The following GALNT11 variants were observed in gnomAD, a reference collection of about 807,000 sequenced individuals.
The protein encoded by GALNT11 is polypeptide N-acetylgalactosaminyltransferase 11.
GALNT11 carries 47 observed loss-of-function variants against 72.7 expected under a neutral mutation model. The ratio of observed to expected loss-of-function variants is 0.65; its 90% CI spans 0.51 to 0.82. The LOEUF (loss-of-function observed/expected upper bound fraction) is 0.82, where lower values mean the gene tolerates loss of function less well. Ranked by LOEUF, GALNT11 falls within the 40% of genes least tolerant of loss-of-function variation. The pLI, the probability that GALNT11 is intolerant of heterozygous loss-of-function variation, is 0.00. For synonymous variants in GALNT11, 270 were observed against 286.6 expected (o/e 0.94, Z 0.58); for missense variants, 677 against 778.4 (o/e 0.87, Z 1.55).
chr7:152,111,152 T>C (rs1444463988), intron 7 of GALNT11, among the ~76,000 whole-genome samples: 3 of 151,938 alleles, frequency 2.0e-5, no homozygotes, highest in Non-Finnish European at 4.4e-5. Flanking sequence ...ATGTATTTAT[T>C]GGTATTTATT....
intron 1 of GALNT11, among the ~76,000 whole-genome samples, chr7:152,056,459 G>A (rs1442493535): frequency 6.6e-6 from 1 of 152,166 alleles, no homozygotes; most frequent in Non-Finnish European, 1.5e-5. Context: ...GTAGAGTATA[G>A]AAAGTGGACT....
intron 1 of GALNT11, among the ~76,000 whole-genome samples, chr7:152,042,153 A>G (rs1176455238): frequency 6.6e-6 from 1 of 152,250 alleles, no homozygotes; most frequent in Non-Finnish European, 1.5e-5. Context: ...CTTAAGCTGC[A>G]GATTGTTTAC....
chr7:152,038,894 A>G (rs2082714837), intron 1 of GALNT11, among the ~76,000 whole-genome samples: 1 of 152,156 alleles, frequency 6.6e-6, no homozygotes, highest in Non-Finnish European at 1.5e-5. Flanking sequence ...TAATTTTGCA[A>G]TATCCAAAGA....
At position 152,094,811 on chromosome 7, in the gene GALNT11, TG is replaced by T. The variant is rs1234416816; in HGVS notation, c.295+290del. On this transcript the variant is annotated intron_variant, in intron 2 of 11. Coordinates refer to ENST00000430044, the MANE Select transcript of GALNT11 (RefSeq NM_022087.4). The surrounding 1 kb of genome is among the most constrained non-coding windows in gnomAD (Gnocchi z 4.3). ...CCTATGGGAGAAGGGGTTTGTTTTTTGTTTGTTTTTTTAAGAGATGGGGTCT... is the reference window on the plus strand; with the variant it reads ...CCTATGGGAGAAGGGGTTTGTTTTTTTTTGTTTTTTTAAGAGATGGGGTCT... Among the ~76,000 whole-genome samples, 1 of 152,154 alleles carries T rather than the reference TG, an allele frequency of 6.6e-6. No homozygotes were observed. The highest frequency in any genetic ancestry group is 6.5e-5 in the Admixed American group (1 of 15,274).
chr7:152,055,387 C>T (rs542885058), intron 1 of GALNT11, among the ~76,000 whole-genome samples: 3 of 152,168 alleles, frequency 2.0e-5, no homozygotes, highest in South Asian at 4.1e-4. Flanking sequence ...TTATAAATGG[C>T]TAGCAATTCA....
At chr7:152,052,355 A>G (rs1216713814) in intron 1 of GALNT11, among the ~76,000 whole-genome samples, 1 of 152,046 alleles carries the variant, frequency 6.6e-6, no homozygotes, top group African/African-American at 2.4e-5. Flanking sequence ...TCTTTTGAGT[A>G]TACTATATAC....
At chr7:152,067,469 T>G (rs2084375798) in intron 1 of GALNT11, among the ~76,000 whole-genome samples, 1 of 152,242 alleles carries the variant, frequency 6.6e-6, no homozygotes, top group Admixed American at 6.5e-5. Context: ...ATTTTATACT[T>G]TGGGCTATAA....
intron 1 of GALNT11, among the ~76,000 whole-genome samples, 178 bp downstream of exon 1, chr7:152,026,062 C>T (rs1466785590): frequency 6.6e-6 from 1 of 151,984 alleles, no homozygotes; most frequent in African/African-American, 2.4e-5. Flanking sequence ...GGAGACGCCG[C>T]TGCCCCCGCG....
intron 1 of GALNT11, among the ~76,000 whole-genome samples, chr7:152,092,294 A>G (rs1358667983): frequency 6.6e-6 from 1 of 151,526 alleles, no homozygotes; most frequent in Admixed American, 6.6e-5. Context: ...GCACATTGCA[A>G]TTTTTTTTTG....
chr7:152,030,030 C>T (rs2082230358), intron 1 of GALNT11, among the ~76,000 whole-genome samples: 1 of 152,180 alleles, frequency 6.6e-6, no homozygotes. Flanking sequence ...TTTACTGTGG[C>T]TTTTAAAGGA....
intron 1 of GALNT11, among the ~76,000 whole-genome samples, chr7:152,042,173 T>C (rs1168840027): frequency 6.6e-6 from 1 of 152,226 alleles, no homozygotes; most frequent in African/African-American, 2.4e-5. Context: ...CTGCAAGAAT[T>C]GTAAATACAA....
chr7:152,100,656 A>G (rs1173917173), intron 2 of GALNT11, 142 bp from the exon 3 acceptor site: 16 of 1,013,212 alleles, frequency 1.6e-5, no homozygotes, highest in African/African-American at 1.6e-5. Context: ...TTTGACTTCA[A>G]CCTAGAGACA....
rs551952473 is a variant in GALNT11, at chr7:152,061,300, C to T, written c.-38-32890C>T. Among the ~76,000 whole-genome samples, 516 of 152,146 alleles carry T rather than the reference C, an allele frequency of 3.4e-3. 2 individuals are homozygous for T. The highest frequency in any genetic ancestry group is 5.0e-3 in the African/African-American group (206 of 41,518). ...TTGAGAAGTGTCTGTTCATATCTTT[C>T]GCCCACTTTTTGATGGGGTTGTTTG... is the stretch of plus-strand genomic sequence containing the variant. On this transcript the variant is annotated intron_variant, in intron 1 of 11. Coordinates refer to ENST00000430044, the MANE Select transcript of GALNT11 (RefSeq NM_022087.4).
chr7:152,080,650 A>G (rs1007403439), intron 1 of GALNT11, among the ~76,000 whole-genome samples: 2 of 151,904 alleles, frequency 1.3e-5, no homozygotes, highest in African/African-American at 4.8e-5. Flanking sequence ...TTTTAGCACA[A>G]TAGCAAAAGC....
intron 8 of GALNT11, among the ~76,000 whole-genome samples, chr7:152,114,339 T>C (rs748300908): frequency 6.6e-6 from 1 of 152,150 alleles, no homozygotes; most frequent in Non-Finnish European, 1.5e-5. Flanking sequence ...CTACTCCTTG[T>C]CTCTACTTAA....
rs1257637036 is a variant in GALNT11, at chr7:152,048,781, G to A, written c.-39+22897G>A. On this transcript the variant is annotated intron_variant, in intron 1 of 11. Coordinates refer to ENST00000430044, the MANE Select transcript of GALNT11 (RefSeq NM_022087.4). Reference sequence around the variant, plus strand: ...CTTTTAAGTTTGCCTTTTTGAGGCTGTTTTCTAGATCTTGTAGGTGTGCTT... The same window carrying A: ...CTTTTAAGTTTGCCTTTTTGAGGCTATTTTCTAGATCTTGTAGGTGTGCTT... Among the ~76,000 whole-genome samples, 3 of 151,676 alleles carry A rather than the reference G, an allele frequency of 2.0e-5. No homozygotes were observed. In the East Asian group the frequency reaches 5.8e-4, roughly 29 times the overall value.
intron 1 of GALNT11, among the ~76,000 whole-genome samples, chr7:152,059,857 T>A (rs574437598): frequency 6.6e-6 from 1 of 152,244 alleles, no homozygotes; most frequent in Non-Finnish European, 1.5e-5. Context: ...TAAGTGAGCA[T>A]TGGCTTCAAC....
At chr7:152,067,565 G>C (rs2084381881) in intron 1 of GALNT11, among the ~76,000 whole-genome samples, 2 of 152,012 alleles carry the variant, frequency 1.3e-5, no homozygotes, top group South Asian at 4.2e-4. Context: ...CTGTCCCTTT[G>C]ATGTGCCCCC....
intron 2 of GALNT11, among the ~76,000 whole-genome samples, chr7:152,097,693 A>C (rs375809298): frequency 6.6e-6 from 1 of 152,230 alleles, no homozygotes; most frequent in Admixed American, 6.5e-5. Flanking sequence ...CGTTGTGATC[A>C]TGCTACAACA....
Sources: gnomAD v4.1 joint callset for allele counts (sites outside exome capture counted in the v4.1 genomes callset) on GRCh38, gnomAD v4.1.1 for gene constraint, Gnocchi (gnomAD v3.1) non-coding constraint, MANE v1.5 for transcripts, NCBI Gene and HGNC (gene_info 2026-07-23, HGNC 2026-07-21) for gene names.